Variants in LARGE1 observed in about 807,000 individuals in gnomAD.
LARGE1 encodes xylosyl- and glucuronyltransferase LARGE1.
In LARGE1, 43 loss-of-function variants were observed where a neutral mutation model predicts 87.6. That is an observed-to-expected ratio of 0.49 (90% CI 0.38 to 0.63). LARGE1 has a LOEUF of 0.63. Among genes scored for constraint, LARGE1 ranks in the 30% least tolerant of loss-of-function variants. The pLI is 0.00. For synonymous variants in LARGE1, 434 were observed against 394.6 expected, an observed-to-expected ratio of 1.10 and a Z score of -1.18; for missense variants, 802 against 1,000.2, an observed-to-expected ratio of 0.80 and a Z score of 2.67.
chr22:33,794,020 A>G (rs1049785409), intron 1 of LARGE1, among the ~76,000 whole-genome samples: 1 of 151,362 alleles, frequency 6.6e-6, no homozygotes, highest in Non-Finnish European at 1.5e-5. Context: ...AAAGTTTATT[A>G]ATGTTGAGGG....
chr22:33,700,810 G>C (rs1197753391), intron 2 of LARGE1, among the ~76,000 whole-genome samples: 1 of 152,282 alleles, frequency 6.6e-6, no homozygotes, highest in South Asian at 2.1e-4. Context: ...TTTTGTTCTG[G>C]GAAGAGTGGG....
At chr22:33,141,190 TCTCTCACA>T in the LARGE1 span, among the ~76,000 whole-genome samples, 664 of 147,408 alleles carry the variant, frequency 4.5e-3, 2 homozygotes, top group African/African-American at 0.016. Flanking sequence ...TCTCTCTCTC[TCTCTCACA>T]CACACACACA....
upstream of LARGE1, among the ~76,000 whole-genome samples, chr22:33,922,096 C>T (rs910943820): frequency 1.3e-5 from 2 of 152,084 alleles, no homozygotes; most frequent in Non-Finnish European, 2.9e-5. Context: ...GGCGGGCCGC[C>T]GGGTCTTTGC....
intron 7 of LARGE1, among the ~76,000 whole-genome samples, chr22:33,416,925 T>TTTTTTTTTTTTTTTTTTA: frequency 6.8e-6 from 1 of 147,434 alleles, no homozygotes; most frequent in Non-Finnish European, 1.5e-5. Context: ...TTTTTTTTTT[T>TTTTTTTTTTTTTTTTTTA]GAGACAGAGT....
intron 2 of LARGE1, among the ~76,000 whole-genome samples, chr22:33,722,326 G>A (rs2083130808): frequency 1.5e-5 from 2 of 137,910 alleles, no homozygotes; most frequent in African/African-American, 5.4e-5. Context: ...GAGAGGGAGA[G>A]GAGGGAGAGG....
chr22:33,366,414 A>G (rs1217960106), intron 9 of LARGE1, among the ~76,000 whole-genome samples: 2 of 152,258 alleles, frequency 1.3e-5, no homozygotes, highest in Non-Finnish European at 2.9e-5. Context: ...ATTTTGTCAA[A>G]TAACTTTCCT....
intron 6 of LARGE1, among the ~76,000 whole-genome samples, chr22:33,532,039 G>A (rs914669163): frequency 1.3e-5 from 2 of 152,198 alleles, no homozygotes; most frequent in East Asian, 3.8e-4. Context: ...CTTAGATGCC[G>A]TAGTGGTGCA....
At position 33,708,096 on chromosome 22, in the gene LARGE1, T is replaced by A. The variant is rs565093182; in HGVS notation, c.106+53275A>T. Among the ~76,000 whole-genome samples, 21 of 152,284 alleles carry A rather than the reference T, an allele frequency of 1.4e-4. No individual in the cohort carries two copies. The East Asian group carries it at 4.1e-3, about 29-fold the overall frequency. On this transcript the variant is annotated intron_variant, in intron 2 of 14. Transcript: ENST00000397394. ...AGAAGGACCCTTAGGGAAAATTCCC[T>A]TGGCCACTGTGTAGAATGTCAGGCT...
intron 5 of LARGE1, among the ~76,000 whole-genome samples, chr22:33,566,633 AAGC>A (rs959153954): frequency 8.5e-5 from 13 of 152,184 alleles, no homozygotes; most frequent in African/African-American, 3.1e-4. Context: ...CTTGGAAGGG[AAGC>A]CGAGAGGGAT....
chr22:33,430,054 A>G (rs2067022714), intron 7 of LARGE1, among the ~76,000 whole-genome samples: 2 of 152,196 alleles, frequency 1.3e-5, no homozygotes, highest in South Asian at 4.1e-4. Context: ...CAGACTCTTG[A>G]AGGGCAGAGC....
chr22:33,552,323 T>G (rs1250553564), intron 6 of LARGE1, among the ~76,000 whole-genome samples: 1 of 152,212 alleles, frequency 6.6e-6, no homozygotes, highest in Non-Finnish European at 1.5e-5. Flanking sequence ...ACTCTGTCCC[T>G]TGACCTCCCC....
chr22:33,484,042 T>C (rs1025811702), intron 6 of LARGE1, among the ~76,000 whole-genome samples: 1 of 152,208 alleles, frequency 6.6e-6, no homozygotes, highest in Admixed American at 6.5e-5. Flanking sequence ...GCCTCATTGC[T>C]ACAAATACAT....
chr22:33,639,110 C>T (rs566545457), intron 3 of LARGE1, among the ~76,000 whole-genome samples: 5 of 152,310 alleles, frequency 3.3e-5, no homozygotes, highest in African/African-American at 1.2e-4. Flanking sequence ...TCCTTTCTGC[C>T]TTGCTTACGG....
At chr22:33,134,733 G>A in the LARGE1 span, among the ~76,000 whole-genome samples, 1 of 152,128 alleles carries the variant, frequency 6.6e-6, no homozygotes, top group Non-Finnish European at 1.5e-5. Context: ...GCTTTAAAAT[G>A]CCCCTCTCCT....
chr22:33,312,061 T>G (rs1935657652), intron 11 of LARGE1, among the ~76,000 whole-genome samples: 1 of 152,176 alleles, frequency 6.6e-6, no homozygotes, highest in Non-Finnish European at 1.5e-5. Flanking sequence ...AGCCTCTGAA[T>G]GTATGTCAGG....
intron 1 of LARGE1, among the ~76,000 whole-genome samples, chr22:33,794,159 T>C (rs961588079): frequency 6.6e-6 from 1 of 152,126 alleles, no homozygotes; most frequent in African/African-American, 2.4e-5. Context: ...CTGCGACGTA[T>C]GTAGTTGGGC....
intron 7 of LARGE1, among the ~76,000 whole-genome samples, chr22:33,390,804 G>C (rs1203178634): frequency 6.7e-6 from 1 of 150,270 alleles, no homozygotes; most frequent in Non-Finnish European, 1.5e-5. Context: ...AGCCATTCTT[G>C]TGCCTCAGCC....
At chr22:33,802,586 G>A (rs114598686) in intron 1 of LARGE1, among the ~76,000 whole-genome samples, 1 of 152,284 alleles carries the variant, frequency 6.6e-6, no homozygotes, top group South Asian at 2.1e-4. Flanking sequence ...CTCCTGCACT[G>A]ATCTCTTTGT....
At chr22:33,136,000 A>G in the LARGE1 span, among the ~76,000 whole-genome samples, 6 of 152,180 alleles carry the variant, frequency 3.9e-5, no homozygotes, top group Admixed American at 3.9e-4. Flanking sequence ...AAGTTTCATA[A>G]TAGTCCTATG....
Sources: allele counts gnomAD v4.1 joint callset (sites outside exome capture counted in the v4.1 genomes callset), GRCh38; gene constraint gnomAD v4.1.1; transcripts MANE v1.5; gene names NCBI Gene and HGNC (gene_info 2026-07-23, HGNC 2026-07-21).